The following TYW1B variants were observed in gnomAD, a reference collection of about 807,000 sequenced individuals.
TYW1B encodes S-adenosyl-L-methionine-dependent tRNA 4-demethylwyosine synthase TYW1B.
Under a neutral mutation model 86.9 loss-of-function variants are expected in TYW1B, and 73 were observed. The observed-to-expected ratio is 0.84, with a 90% CI of 0.70 to 1.02. The LOEUF (loss-of-function observed/expected upper bound fraction) is 1.02. Ranked by LOEUF, TYW1B falls within the 50% of genes least tolerant of loss-of-function variation. The probability of loss-of-function intolerance (pLI) is 0.00; values close to 1 mark genes in which losing one functional copy is unlikely to be tolerated. For synonymous variants in TYW1B, 248 were observed against 292.8 expected (o/e 0.85, Z 1.56); for missense variants, 637 against 827.4 (o/e 0.77, Z 2.82).
At chr7:72,757,553 G>C (rs1186624988) in intron 7 of TYW1B, among the ~76,000 whole-genome samples, 1 of 152,130 alleles carries the variant, frequency 6.6e-6, no homozygotes, top group South Asian at 2.1e-4. Flanking sequence ...AGAATTTGGA[G>C]AGACCAGAAA....
At chr7:72,741,964 C>T (rs1453572225) in intron 8 of TYW1B, among the ~76,000 whole-genome samples, 1 of 152,250 alleles carries the variant, frequency 6.6e-6, no homozygotes, top group South Asian at 2.1e-4. Flanking sequence ...GCTAACAGAC[C>T]TGCCCTACGA....
At chr7:72,745,235 GCTGGT>G (rs1358577209) in intron 7 of TYW1B, among the ~76,000 whole-genome samples, 3 of 152,072 alleles carry the variant, frequency 2.0e-5, no homozygotes, top group Non-Finnish European at 2.9e-5. Context: ...TGTTGCCCAG[GCTGGT>G]CTTGAACTCC....
intron 11 of TYW1B, among the ~76,000 whole-genome samples, chr7:72,658,253 T>TAA (rs782693151): frequency 2.6e-5 from 2 of 77,078 alleles, no homozygotes; most frequent in Non-Finnish European, 2.8e-5. Context: ...TCCGTCTCAA[T>TAA]AAAAAAAAAA....
intron 11 of TYW1B, among the ~76,000 whole-genome samples, chr7:72,662,182 T>C (rs1341818614): frequency 2.6e-5 from 4 of 152,312 alleles, no homozygotes; most frequent in Middle Eastern, 3.4e-3. Flanking sequence ...AGGCAAAAGA[T>C]GGTAATTTGC....
At chr7:72,676,547 A>G (rs181305138) in intron 11 of TYW1B, among the ~76,000 whole-genome samples, 1 of 152,288 alleles carries the variant, frequency 6.6e-6, no homozygotes, top group Admixed American at 6.5e-5. Context: ...ATACCTGGGC[A>G]GGGTGGATTT....
At chr7:72,646,020 G>A (rs1293233199) in intron 11 of TYW1B, among the ~76,000 whole-genome samples, 1 of 145,484 alleles carries the variant, frequency 6.9e-6, no homozygotes, top group African/African-American at 2.5e-5. Context: ...ATAAAGTACT[G>A]GGAGGAGGCA....
intron 11 of TYW1B, among the ~76,000 whole-genome samples, chr7:72,689,669 AAAAC>A (rs1217030053): frequency 6.6e-6 from 1 of 152,234 alleles, no homozygotes; most frequent in Non-Finnish European, 1.5e-5. Flanking sequence ...ATGTTAAACA[AAAAC>A]AAAAGTAACA....
intron 9 of TYW1B, among the ~76,000 whole-genome samples, chr7:72,724,361 T>C (rs1443699445): frequency 3.3e-5 from 5 of 152,088 alleles, no homozygotes; most frequent in African/African-American, 4.8e-5. Context: ...TAGTTCCGGC[T>C]ACTTGGAAGG....
chr7:72,585,260 C>T (rs2129567692), intron 13 of TYW1B, among the ~76,000 whole-genome samples: 1 of 152,318 alleles, frequency 6.6e-6, no homozygotes, highest in African/African-American at 2.4e-5. Context: ...ACAAATACTG[C>T]AGAGTCACTG....
intron 9 of TYW1B, among the ~76,000 whole-genome samples, chr7:72,725,060 AC>A (rs1455974679): frequency 5.9e-5 from 9 of 152,288 alleles, no homozygotes; most frequent in South Asian, 2.1e-4. Flanking sequence ...ACTACTGGAC[AC>A]CCCTTTCTGC....
intron 2 of TYW1B, among the ~76,000 whole-genome samples, chr7:72,819,697 T>C (rs1172687536): frequency 7.9e-5 from 12 of 152,208 alleles, no homozygotes. Flanking sequence ...CCTCCCAAAG[T>C]GCTGGGATTA....
At chr7:72,596,275 G>A (rs1269557643) in intron 13 of TYW1B, among the ~76,000 whole-genome samples, 7 of 145,410 alleles carry the variant, frequency 4.8e-5, no homozygotes, top group African/African-American at 1.5e-4. Flanking sequence ...AACATTTTTT[G>A]TAGAAATAGA....
chr7:72,804,274 G>C (rs1203799888), intron 5 of TYW1B, among the ~76,000 whole-genome samples: 1 of 140,176 alleles, frequency 7.1e-6, no homozygotes, highest in African/African-American at 2.7e-5. Flanking sequence ...AACAGAGCAA[G>C]ACTCCATCTC....
chr7:72,591,947 C>T (rs1554431562), intron 13 of TYW1B, among the ~76,000 whole-genome samples: 1 of 151,706 alleles, frequency 6.6e-6, no homozygotes, highest in Non-Finnish European at 1.5e-5. Context: ...CCTCAGCCTC[C>T]CGAGTAGCTG....
intron 11 of TYW1B, among the ~76,000 whole-genome samples, chr7:72,674,505 G>T (rs1426931670): frequency 1.4e-4 from 21 of 151,558 alleles, no homozygotes; most frequent in Admixed American, 5.3e-4. Flanking sequence ...TTTTAATTAG[G>T]TCTTAATCCA....
At chr7:72,713,919 C>T in intron 9 of TYW1B, 121 bp from the exon 10 acceptor site, 1 of 631,380 alleles carries the variant, frequency 1.6e-6, no homozygotes, top group Non-Finnish European at 2.7e-6. Context: ...GAATACAAAA[C>T]AAAGGCTAAA....
intron 13 of TYW1B, 134 bp downstream of exon 13, chr7:72,616,538 T>C: frequency 7.2e-7 from 1 of 1,383,474 alleles, no homozygotes; most frequent in South Asian, 1.3e-5. Flanking sequence ...TAGTGCTTTC[T>C]TATTTTTGTT....
intron 10 of TYW1B, among the ~76,000 whole-genome samples, chr7:72,697,692 G>A (rs1814355431): frequency 6.6e-6 from 1 of 152,066 alleles, no homozygotes; most frequent in African/African-American, 2.4e-5. Context: ...CAGCACTGCT[G>A]GGAGTAATTA....
chr7:72,673,678 T>C (rs1554446814), intron 11 of TYW1B, among the ~76,000 whole-genome samples: 1 of 152,144 alleles, frequency 6.6e-6, no homozygotes, highest in Non-Finnish European at 1.5e-5. Flanking sequence ...TAAGACCTAG[T>C]CTTTGATAGC....
Sources: allele counts gnomAD v4.1 joint callset (sites outside exome capture counted in the v4.1 genomes callset), GRCh38; gene constraint gnomAD v4.1.1; transcripts MANE v1.5; gene names NCBI Gene and HGNC (gene_info 2026-07-23, HGNC 2026-07-21).